Variants in ARL6 observed in about 807,000 individuals in gnomAD.
ARL6 encodes the protein ADP-ribosylation factor-like protein 6.
Under a neutral mutation model 27.1 loss-of-function variants are expected in ARL6, and 18 were observed. The ratio of observed to expected loss-of-function variants is 0.66; its 90% CI spans 0.46 to 0.98. The LOEUF (loss-of-function observed/expected upper bound fraction) is 0.98. ARL6 is among the 50% of genes least tolerant of loss of function. The probability of loss-of-function intolerance (pLI) is 0.00; values close to 1 mark genes in which losing one functional copy is unlikely to be tolerated. For synonymous variants in ARL6, 65 were observed against 72.3 expected (o/e 0.90, Z 0.51); for missense variants, 187 against 214.9 (o/e 0.87, Z 0.81).
intron 4 of ARL6, among the ~76,000 whole-genome samples, chr3:97,784,480 T>TA (rs148371215): frequency 0.029 from 4,105 of 140,598 alleles, 66 homozygotes; most frequent in Non-Finnish European, 0.041. Context: ...ACCATAGTAG[T>TA]AAAAAAAAAA....
intron 2 of ARL6, among the ~76,000 whole-genome samples, chr3:97,775,751 C>G (rs969141996): frequency 2.0e-5 from 3 of 152,112 alleles, no homozygotes; most frequent in Non-Finnish European, 2.9e-5. Flanking sequence ...TTCCAAAGTT[C>G]CTCTCATTAT....
At chr3:97,797,660 A>C (rs1184354724) in intron 7 of ARL6, among the ~76,000 whole-genome samples, 2 of 152,210 alleles carry the variant, frequency 1.3e-5, no homozygotes, top group Admixed American at 6.5e-5. Flanking sequence ...AATGGAGAAG[A>C]AGCAAAGTAC....
chr3:97,769,951 G>A (rs2036561871), intron 2 of ARL6, among the ~76,000 whole-genome samples: 1 of 152,082 alleles, frequency 6.6e-6, no homozygotes, highest in African/African-American at 2.4e-5. Flanking sequence ...GGACAAAAGT[G>A]TATTCCATAT....
chr3:97,776,666 T>TTTA (rs2036919762), intron 2 of ARL6, among the ~76,000 whole-genome samples: 1 of 151,686 alleles, frequency 6.6e-6, no homozygotes, highest in Non-Finnish European at 1.5e-5. Flanking sequence ...TTATTTATTT[T>TTTA]TTTTTTTTGA....
intron 6 of ARL6, 143 bp downstream of exon 6, chr3:97,788,262 G>A: frequency 1.1e-6 from 1 of 942,604 alleles, no homozygotes; most frequent in Non-Finnish European, 1.5e-6. Flanking sequence ...TAGAATTGTG[G>A]CATTGTAGGT....
chr3:97,776,415 G>T (rs373609844), intron 2 of ARL6, among the ~76,000 whole-genome samples: 1 of 152,088 alleles, frequency 6.6e-6, no homozygotes, highest in African/African-American at 2.4e-5. Context: ...TCTAATTGAA[G>T]AATGTAGTTC....
At chr3:97,790,051 T>TTGTGTGTGTGTGTGTGTG (rs3058067) in intron 6 of ARL6, among the ~76,000 whole-genome samples, 1 of 137,072 alleles carries the variant, frequency 7.3e-6, no homozygotes, top group Non-Finnish European at 1.6e-5. Flanking sequence ...GGCATCATGA[T>TTGTGTGTGTGTGTGTGTG]TGTGTGTGTG....
intron 6 of ARL6, among the ~76,000 whole-genome samples, chr3:97,790,051 T>TTTTG (rs1553694690): frequency 7.3e-6 from 1 of 137,072 alleles, no homozygotes; most frequent in African/African-American, 2.7e-5. Context: ...GGCATCATGA[T>TTTTG]TGTGTGTGTG....
chr3:97,775,910 C>CTGT (rs1309985414), intron 2 of ARL6, among the ~76,000 whole-genome samples: 1 of 152,148 alleles, frequency 6.6e-6, no homozygotes, highest in Non-Finnish European at 1.5e-5. Context: ...TATTCTGCAG[C>CTGT]TGTTGGATGG....
intron 2 of ARL6, among the ~76,000 whole-genome samples, chr3:97,778,686 ATT>A (rs2037029645): frequency 6.6e-6 from 1 of 152,182 alleles, no homozygotes; most frequent in Non-Finnish European, 1.5e-5. Context: ...TGTGTTGAGT[ATT>A]TTACATCCAT....
At chr3:97,797,995 G>A in intron 7 of ARL6, 29 bp from the exon 8 acceptor site, 1 of 1,609,018 alleles carries the variant, frequency 6.2e-7, no homozygotes, top group Non-Finnish European at 8.5e-7. Context: ...TATAGAGATT[G>A]ATAATTTTTG....
At chr3:97,790,090 T>TGTGTGC (rs1230059165) in intron 6 of ARL6, among the ~76,000 whole-genome samples, 5 of 149,928 alleles carry the variant, frequency 3.3e-5, no homozygotes, top group African/African-American at 1.2e-4. Flanking sequence ...TGTGTGTGTG[T>TGTGTGC]GCATGTTGTG....
At chr3:97,777,801 G>C (rs1354315230) in intron 2 of ARL6, among the ~76,000 whole-genome samples, 1 of 152,082 alleles carries the variant, frequency 6.6e-6, no homozygotes, top group Non-Finnish European at 1.5e-5. Flanking sequence ...CACATATCTT[G>C]TTCTACCCTA....
Position 97,798,906 on chromosome 3 carries a change from T to C in ARL6, c.*857T>C, listed in dbSNP as rs1415724534. The C allele has an allele frequency of 6.6e-6, 1 of 152,108 alleles. No homozygotes were observed. The highest frequency in any genetic ancestry group is 1.5e-5 in the Non-Finnish European group (1 of 67,954). 9.4% of individuals were successfully genotyped at this position (152,108 alleles called of 1,614,324 possible). On this transcript the variant is annotated 3_prime_UTR_variant, in exon 8 of 8. Coordinates refer to ENST00000463745, the MANE Select transcript of ARL6 (RefSeq NM_001278293.3). ...TCATTACTGACATCTTGTTTTTCAC[T>C]TTTAAATGCCTCCAATTTACCATAG...
chr3:97,776,028 T>A (rs566168089), intron 2 of ARL6, among the ~76,000 whole-genome samples: 4 of 152,354 alleles, frequency 2.6e-5, no homozygotes, highest in African/African-American at 9.6e-5. Flanking sequence ...TTACTGAGAA[T>A]GGGGTGTTGA....
chr3:97,778,100 CTGA>C (rs545008142), intron 2 of ARL6, among the ~76,000 whole-genome samples: 97 of 152,090 alleles, frequency 6.4e-4, no homozygotes, highest in South Asian at 1.2e-3. Flanking sequence ...ATAGTAGTAG[CTGA>C]TGATTTTTTC....
At chr3:97,775,629 A>G (rs1235161642) in intron 2 of ARL6, among the ~76,000 whole-genome samples, 1 of 152,192 alleles carries the variant, frequency 6.6e-6, no homozygotes, top group Non-Finnish European at 1.5e-5. Context: ...CAATCCAATC[A>G]AATTGACACT....
rs35946388 is a variant in ARL6 at position 97,785,335 on chromosome 3, CAA to C, written c.349+301_349+302del. ...TCTGATTACATAAATTGTACCAAAG[CAA>C]AAAAAAAAAAAAAATCAGATGGAAA... On this transcript the variant is annotated intron_variant, in intron 5 of 7. Coordinates refer to ENST00000463745, the MANE Select transcript of ARL6 (RefSeq NM_001278293.3). 1.9e-3 allele frequency among the ~76,000 whole-genome samples: 225 copies of C among 115,658 alleles called. 1 individual carries two copies. Among genetic ancestry groups the C allele is most frequent in the South Asian group, 3.5e-3 (13 of 3,760 alleles). The allele number at this position is 115,658 out of a possible 152,430, so 75.9% of individuals were successfully genotyped here. A position where few individuals can be genotyped will look rare whatever the true frequency, so the allele number is the denominator to read the frequency against.
intron 5 of ARL6, among the ~76,000 whole-genome samples, chr3:97,787,491 A>C (rs1001159031): frequency 5.9e-5 from 9 of 152,166 alleles, no homozygotes; most frequent in African/African-American, 1.9e-4. Flanking sequence ...CTGAATTTTG[A>C]ACTATTTAAA....
Sources: allele counts gnomAD v4.1 joint callset (sites outside exome capture counted in the v4.1 genomes callset), GRCh38; gene constraint gnomAD v4.1.1; transcripts MANE v1.5; gene names NCBI Gene and HGNC (gene_info 2026-07-23, HGNC 2026-07-21).